Variants in TCF7L2 observed in about 807,000 individuals in gnomAD.
TCF7L2 encodes the protein transcription factor 7-like 2.
TCF7L2 carries 23 observed loss-of-function variants against 77.9 expected under a neutral mutation model. The ratio of observed to expected loss-of-function variants is 0.30; its 90% CI spans 0.21 to 0.42. The LOEUF is 0.42. TCF7L2 is among the 10% of genes least tolerant of loss of function. TCF7L2 has a pLI of 1.00. For missense variants in TCF7L2, 654 were observed against 793.1 expected, an observed-to-expected ratio of 0.82 and a Z score of 2.11; for synonymous variants, 413 against 340.2, an observed-to-expected ratio of 1.21 and a Z score of -2.36.
intron 5 of TCF7L2, among the ~76,000 whole-genome samples, chr10:113,079,382 G>A (rs2059081511): frequency 2.0e-5 from 3 of 152,166 alleles, no homozygotes; most frequent in African/African-American, 2.4e-5. Context: ...GATCCAGCCC[G>A]GGCCAGCAGC....
intron 5 of TCF7L2, among the ~76,000 whole-genome samples, chr10:113,109,983 C>T (rs981840916): frequency 3.3e-5 from 5 of 152,156 alleles, no homozygotes; most frequent in African/African-American, 1.2e-4. Flanking sequence ...AACATCATTT[C>T]ATACAGAAAA....
At chr10:113,081,086 C>G (rs2059273413) in intron 5 of TCF7L2, among the ~76,000 whole-genome samples, 1 of 152,228 alleles carries the variant, frequency 6.6e-6, no homozygotes, top group Admixed American at 6.5e-5. Flanking sequence ...GCAAATCCAT[C>G]TAAATTTCCT....
At chr10:113,089,220 C>A (rs2060125833) in intron 5 of TCF7L2, among the ~76,000 whole-genome samples, 1 of 152,114 alleles carries the variant, frequency 6.6e-6, no homozygotes, top group Admixed American at 6.6e-5. Flanking sequence ...GGACCCTGAG[C>A]TGGATGGCAG....
rs376605456 is a variant in TCF7L2 at position 113,161,628 on chromosome 10, C to T, written c.1391+937C>T. 7.9e-5 allele frequency: 121 copies of T among 1,535,942 alleles called. No individual in the cohort carries two copies. The African/African-American group carries it at 1.2e-3, about 16-fold the overall frequency. On this transcript the variant is annotated intron_variant, in intron 13 of 13. Transcript: ENST00000627217. ...GGTAGGTATTTCAACACCCTAAACA[C>T]GCTTCCCTGTTTGTAGTGCCTCCCT...
intron 4 of TCF7L2, among the ~76,000 whole-genome samples, chr10:112,982,122 TCTC>T (rs1339283503): frequency 1.3e-5 from 2 of 152,192 alleles, no homozygotes; most frequent in Non-Finnish European, 2.9e-5. Context: ...TTTTCTATCA[TCTC>T]CTTTGGGAGG....
intron 5 of TCF7L2, among the ~76,000 whole-genome samples, chr10:113,077,014 C>T (rs144249602): frequency 1.3e-5 from 2 of 152,298 alleles, no homozygotes; most frequent in African/African-American, 4.8e-5. Context: ...GTATGATCCA[C>T]CTACAGAACA....
In TCF7L2 at chr10:112,959,550, G is replaced by C. The variant is rs575389665; in HGVS notation, c.382-5006G>C. Among the ~76,000 whole-genome samples the C allele has an allele frequency of 3.3e-5, 5 of 152,322 alleles. No individual in the cohort carries two copies. The South Asian group carries it at 8.3e-4, about 25-fold the overall frequency. On this transcript the variant is annotated intron_variant, in intron 3 of 13. Transcript: ENST00000627217. ...AGGCAGAATGCCAGGAAGTGAAAGG[G>C]GATGCTGTCGTTAAGTTATTGTTTA... is the stretch of plus-strand genomic sequence containing the variant.
intron 5 of TCF7L2, among the ~76,000 whole-genome samples, chr10:113,125,309 G>T (rs1485155439): frequency 1.4e-4 from 21 of 150,154 alleles, no homozygotes; most frequent in Admixed American, 1.4e-3. Flanking sequence ...TGTCGAAAAA[G>T]ATATGCCGTC....
intron 4 of TCF7L2, among the ~76,000 whole-genome samples, chr10:113,007,451 A>G (rs2045761419): frequency 6.6e-6 from 1 of 152,188 alleles, no homozygotes; most frequent in Non-Finnish European, 1.5e-5. Context: ...TCCCCTCACC[A>G]CACTCAAAGC....
At chr10:113,153,336 A>G (rs753478956) in intron 11 of TCF7L2, among the ~76,000 whole-genome samples, 5 of 152,150 alleles carry the variant, frequency 3.3e-5, no homozygotes, top group African/African-American at 9.7e-5. Context: ...ACTTTATTTC[A>G]TGACATTTGG....
chr10:112,968,236 C>T (rs922352451), intron 4 of TCF7L2, among the ~76,000 whole-genome samples: 1 of 152,138 alleles, frequency 6.6e-6, no homozygotes, highest in Non-Finnish European at 1.5e-5. Flanking sequence ...TGAGTTTGAA[C>T]CACATGGATC....
chr10:112,963,460 T>C (rs2035815786), intron 3 of TCF7L2, among the ~76,000 whole-genome samples: 1 of 152,226 alleles, frequency 6.6e-6, no homozygotes, highest in Non-Finnish European at 1.5e-5. Flanking sequence ...TAGTTTATTA[T>C]AATACTACAG....
chr10:113,013,142 T>A (rs2046752031), intron 4 of TCF7L2, among the ~76,000 whole-genome samples: 1 of 132,742 alleles, frequency 7.5e-6, no homozygotes. Flanking sequence ...TTTTTCAGAC[T>A]GAGTCTTGCT....
intron 5 of TCF7L2, among the ~76,000 whole-genome samples, chr10:113,131,229 A>G (rs2136528876): frequency 6.6e-6 from 1 of 152,366 alleles, no homozygotes; most frequent in South Asian, 2.1e-4. Context: ...AAGGAATGAA[A>G]TATACCATAG....
chr10:113,166,081 T>A lies in TCF7L2; in HGVS notation c.*109T>A. On this transcript the variant is annotated 3_prime_UTR_variant, in exon 14 of 14. Coordinates refer to ENST00000627217, the MANE Select transcript of TCF7L2 (RefSeq NM_001146274.2). ...TTTGTTTTGTACTCTCTTAATTTTG[T>A]GCCATGTGGCTACATTAGTTGATGT... 9.4e-7 allele frequency: 1 copy of A among 1,064,210 alleles called. No homozygotes were observed. Among genetic ancestry groups the A allele is most frequent in the South Asian group, 3.1e-5 (1 of 32,668 alleles). The allele number at this position is 1,064,210 out of a possible 1,614,324, so 65.9% of individuals were successfully genotyped here.
chr10:113,016,427 G>T (rs1186158686), intron 4 of TCF7L2, among the ~76,000 whole-genome samples: 1 of 152,132 alleles, frequency 6.6e-6, no homozygotes, highest in Admixed American at 6.6e-5. Context: ...TGCTTCCTGG[G>T]GATCTGGATG....
chr10:113,101,827 A>T (rs2061669689), intron 5 of TCF7L2, among the ~76,000 whole-genome samples: 1 of 81,596 alleles, frequency 1.2e-5, no homozygotes. Context: ...TGGGCGACAG[A>T]GCGAGACTCC....
chr10:113,024,434 A>G (rs1327452201), intron 4 of TCF7L2, among the ~76,000 whole-genome samples: 1 of 152,058 alleles, frequency 6.6e-6, no homozygotes, highest in Non-Finnish European at 1.5e-5. Flanking sequence ...CTATTCACAA[A>G]CTCATATACA....
At chr10:113,061,530 G>C (rs144639473) in intron 5 of TCF7L2, among the ~76,000 whole-genome samples, 4 of 152,200 alleles carry the variant, frequency 2.6e-5, no homozygotes, top group Admixed American at 2.6e-4. Context: ...GTGAGGATAC[G>C]TGTAGTAATT....
Sources: allele counts gnomAD v4.1 joint callset (sites outside exome capture counted in the v4.1 genomes callset), GRCh38; gene constraint gnomAD v4.1.1; transcripts MANE v1.5; gene names NCBI Gene and HGNC (gene_info 2026-07-23, HGNC 2026-07-21).